ZNF345: variants seen among roughly 807,000 people sequenced by gnomAD.
ZNF345 encodes zinc finger protein HZF10.
For missense variants in ZNF345, 527 were observed against 589.9 expected (o/e 0.89, Z 1.10); for synonymous variants, 166 against 187.9 (o/e 0.88, Z 0.95).
rs562711437 is a variant in ZNF345, at chr19:36,866,198, T to C, written c.-46-10587T>C. On this transcript the variant is annotated intron_variant, in intron 2 of 2. Transcript: ENST00000420450. The stretch of plus-strand genomic sequence containing the variant: ...CATCAGATAAACTGAAAAATGTTCT[T>C]TCTGTTTCTTTTTTCTTCTTTTCCC... 2.0e-5 allele frequency among the ~76,000 whole-genome samples: 3 copies of C among 152,284 alleles called. No homozygotes were observed. The East Asian group carries it at 5.8e-4, about 29-fold the overall frequency.
intron 3 of ZNF345, chr19:36,891,688 A>G (rs767241898): frequency 1.8e-5 from 29 of 1,613,680 alleles, no homozygotes; most frequent in Non-Finnish European, 2.3e-5. Context: ...CTGATGTTGA[A>G]TAAGTTCTGA....
intron 2 of ZNF345, among the ~76,000 whole-genome samples, chr19:36,862,663 CAAAAAAAA>C (rs753670661): frequency 4.0e-4 from 16 of 39,950 alleles, no homozygotes; most frequent in Non-Finnish European, 6.2e-4. Flanking sequence ...GACCCAGTCT[CAAAAAAAA>C]AAAAAAAAAA....
At chr19:36,850,670 A>G (rs1225941062), upstream of ZNF345, 1 of 151,904 alleles carries the variant, frequency 6.6e-6, no homozygotes, top group Non-Finnish European at 1.5e-5. Flanking sequence ...GTCAGGTGAG[A>G]CTCCCGGAAG....
intron 3 of ZNF345, among the ~76,000 whole-genome samples, chr19:36,884,605 A>G (rs1423048): frequency 0.17 from 25,871 of 152,126 alleles, 2,624 homozygotes; most frequent in African/African-American, 0.27. Flanking sequence ...CTGCCCACAT[A>G]GCTGACCTTT....
rs375860097 is a variant in ZNF345, at chr19:36,876,866, A to G, written c.36A>G (p.Ser12=). 2 of 1,613,278 alleles carry G rather than the reference A, an allele frequency of 1.2e-6. No homozygotes were observed. The highest frequency in any genetic ancestry group is 2.7e-5 in the African/African-American group (2 of 74,894). The part of the protein sequence containing the change: ...ENLTKHSIEC[S]SFRGDWECKN... ...TTACAAAACACAGCATTGAGTGTTCAAGTTTCAGAGGTGATTGGGAATGTA... is the reference window on the plus strand; with the variant it reads ...TTACAAAACACAGCATTGAGTGTTCGAGTTTCAGAGGTGATTGGGAATGTA... The change falls in exon 3 of 3, where the codon TCA becomes TCG. Residue 12 remains serine, a synonymous_variant. Coordinates refer to ENST00000420450, the MANE Select transcript of ZNF345 (RefSeq NM_001242472.2).
At chr19:36,857,420 C>T (rs1203925543) in intron 2 of ZNF345, among the ~76,000 whole-genome samples, 1 of 152,100 alleles carries the variant, frequency 6.6e-6, no homozygotes, top group Non-Finnish European at 1.5e-5. Context: ...CATTCTCCTG[C>T]CTCAGCCTCC....
intron 2 of ZNF345, among the ~76,000 whole-genome samples, chr19:36,870,991 C>T (rs1338261374): frequency 6.6e-6 from 1 of 152,154 alleles, no homozygotes; most frequent in Non-Finnish European, 1.5e-5. Context: ...CCATTTTCTT[C>T]CTCTGTTTGG....
intron 2 of ZNF345, among the ~76,000 whole-genome samples, chr19:36,875,732 C>G (rs1009497606): frequency 6.6e-6 from 1 of 152,194 alleles, no homozygotes; most frequent in Non-Finnish European, 1.5e-5. Context: ...TAGACCTGCT[C>G]TAAACAGGAT....
intron 2 of ZNF345, among the ~76,000 whole-genome samples, chr19:36,868,661 C>G (rs1251569286): frequency 1.4e-5 from 2 of 141,348 alleles, no homozygotes; most frequent in South Asian, 2.5e-4. Context: ...GAGTCTTGCT[C>G]TGTTGCCCAG....
chr19:36,885,570 T>TGTGC (rs1568364035), intron 3 of ZNF345, among the ~76,000 whole-genome samples: 1 of 152,166 alleles, frequency 6.6e-6, no homozygotes, highest in Non-Finnish European at 1.5e-5. Flanking sequence ...TAAATGTTTG[T>TGTGC]GTGCGTGTGT....
chr19:36,873,936 T>C (rs1478713062), intron 2 of ZNF345, among the ~76,000 whole-genome samples: 1 of 152,158 alleles, frequency 6.6e-6, no homozygotes, highest in African/African-American at 2.4e-5. Context: ...GCTTTGAACA[T>C]GTGAGTGCAC....
chr19:36,883,094 T>C (rs1243750965), downstream of ZNF345, among the ~76,000 whole-genome samples: 1 of 152,244 alleles, frequency 6.6e-6, no homozygotes, highest in Admixed American at 6.5e-5. Flanking sequence ...TTGTGTCAGC[T>C]TGTTCTAGGT....
At chr19:36,867,694 T>C (rs1220781299) in intron 2 of ZNF345, among the ~76,000 whole-genome samples, 1 of 152,234 alleles carries the variant, frequency 6.6e-6, no homozygotes, top group African/African-American at 2.4e-5. Context: ...CATTTTATAT[T>C]TGCATGTGTT....
At chr19:36,860,296 G>T (rs1479188357) in intron 2 of ZNF345, among the ~76,000 whole-genome samples, 2 of 152,004 alleles carry the variant, frequency 1.3e-5, no homozygotes, top group East Asian at 3.9e-4. Context: ...CTAACAACAA[G>T]ATTATTCTCT....
rs1298054261 is a variant in ZNF345, at chr19:36,878,665, ATTATT to A, written c.*375_*379del. 5.7e-6 allele frequency: 1 copy of A among 175,480 alleles called. No homozygotes were observed. Among genetic ancestry groups the A allele is most frequent in the Non-Finnish European group, 1.3e-5 (1 of 74,282 alleles). The allele number at this position is 175,480 out of a possible 1,614,324, so 10.9% of individuals were successfully genotyped here. ...TACAGAATTACTGATTCATTGAAAAATTATTTTATTTATTGCAAGTCTAAATTTAT... is the reference window on the plus strand; with the variant it reads ...TACAGAATTACTGATTCATTGAAAAATTATTTATTGCAAGTCTAAATTTAT... On this transcript the variant is annotated 3_prime_UTR_variant, in exon 3 of 3. Transcript: ENST00000420450.
chr19:36,851,998 T>C (rs890931998), intron 2 of ZNF345, 94 bp downstream of exon 2: 1 of 152,218 alleles, frequency 6.6e-6, no homozygotes, highest in Non-Finnish European at 1.5e-5. Context: ...GCCTATGAGA[T>C]GACCTGATCC....
In ZNF345 at chr19:36,877,373, G is replaced by C. The variant is rs759796618; in HGVS notation, c.543G>C (p.Lys181Asn). The C allele has an allele frequency of 6.2e-7, 1 of 1,614,090 alleles. No individual in the cohort carries two copies. The highest frequency in any genetic ancestry group is 2.2e-5 in the East Asian group (1 of 44,860). The change falls in exon 3 of 3, where the codon AAG becomes AAC. Residue 181 changes from lysine (K) to asparagine (N), a missense_variant. Coordinates refer to ENST00000420450, the MANE Select transcript of ZNF345 (RefSeq NM_001242472.2). ...EKPYECKECG[K>N]SFSFESALIR... ...CTTATGAGTGTAAGGAATGTGGGAA[G>C]TCCTTTAGTTTTGAATCAGCCCTTA...
chr19:36,883,532 T>C (rs117185172), downstream of ZNF345, among the ~76,000 whole-genome samples: 228 of 152,346 alleles, frequency 1.5e-3, no homozygotes, highest in Non-Finnish European at 2.8e-3. Flanking sequence ...CTGGTGGCAA[T>C]AGCATAAATT....
intron 2 of ZNF345, among the ~76,000 whole-genome samples, chr19:36,855,523 C>T (rs1334758551): frequency 1.5e-5 from 2 of 131,120 alleles, no homozygotes; most frequent in African/African-American, 5.8e-5. Context: ...GATGTGATCT[C>T]GGTTCATCAC....
Sources: allele counts gnomAD v4.1 joint callset (sites outside exome capture counted in the v4.1 genomes callset), GRCh38; gene constraint gnomAD v4.1.1; transcripts MANE v1.5; gene names NCBI Gene and HGNC (gene_info 2026-07-23, HGNC 2026-07-21).